Variants in TYK2 observed in about 807,000 individuals in gnomAD.
The protein encoded by TYK2 is non-receptor tyrosine-protein kinase TYK2.
TYK2 carries 65 observed loss-of-function variants against 130.9 expected under a neutral mutation model. The observed-to-expected ratio is 0.50, with a 90% CI of 0.41 to 0.61. TYK2 has a LOEUF of 0.61. TYK2 is among the 20% of genes least tolerant of loss of function. The pLI, the probability that TYK2 is intolerant of heterozygous loss-of-function variation, is 0.00. For synonymous variants in TYK2, 647 were observed against 658.9 expected (o/e 0.98, Z 0.28); for missense variants, 1,378 against 1,610.7 (o/e 0.86, Z 2.47).
At position 10,361,594 on chromosome 19, in the gene TYK2, A is replaced by G; in HGVS notation, c.1964T>C (p.Phe655Ser). The G allele has an allele frequency of 6.5e-7, 1 of 1,549,372 alleles. No individual in the cohort carries two copies. Among genetic ancestry groups the G allele is most frequent in the Non-Finnish European group, 8.7e-7 (1 of 1,147,600 alleles). Residue 655 changes from phenylalanine to serine, a missense_variant, in exon 14 of 25, where the codon TTC becomes TCC. Physicochemically the swap from Phe to Ser is radical, Grantham distance 155. Transcript: ENST00000525621. This position sits in a 1 kb window ranked among gnomAD's most constrained non-coding sequence, Gnocchi z 4.0. ...GCTCATGAGGCTGGCTGTCTCGTAG[A>G]AGGCCTGTGGGGACCGGGCAGGTCA... ...DPSHHDIALA[F>S]YETASLMSQV...
rs1384504071 is a variant in TYK2 at position 10,366,560 on chromosome 19, A to G, written c.486T>C (p.Asn162=). ...LFEQGKHEFV[N]DVASLWELST... ...ACAGCTCCCACAGTGATGCCACGTCATTCACAAACTCATGCTTGCCCTGGG... is the reference window on the plus strand; with the variant it reads ...ACAGCTCCCACAGTGATGCCACGTCGTTCACAAACTCATGCTTGCCCTGGG... Residue 162 remains asparagine, a synonymous_variant, in exon 6 of 25, where the codon AAT becomes AAC. Transcript: ENST00000525621. 6 of 1,613,944 alleles carry G rather than the reference A, an allele frequency of 3.7e-6. No individual in the cohort carries two copies. The Admixed American group carries it at 5.0e-5, about 13-fold the overall frequency.
chr19:10,359,130 C>T, intron 15 of TYK2, 45 bp downstream of exon 15: 1 of 1,595,594 alleles, frequency 6.3e-7, no homozygotes, highest in Non-Finnish European at 8.5e-7. Context: ...TCCTGGGCTC[C>T]TGGCCCTCCC....
At position 10,378,352 on chromosome 19, in the gene TYK2, C is replaced by T. The variant is rs755381338; in HGVS notation, c.55G>A (p.Ala19Thr). Residue 19 changes from alanine (A) to threonine (T), a missense_variant, in exon 3 of 25, where the codon GCC becomes ACC. Ala to Thr is a moderately conservative substitution (Grantham distance 58). Coordinates refer to ENST00000525621, the MANE Select transcript of TYK2 (RefSeq NM_003331.5). ...CCTCCCATGGCAGCCATGGGCTGGG[C>T]TCCATCCCCAACGGGCTTACTGCCC... ...ARGSKPVGDG[A>T]QPMAAMGGLK... The T allele has an allele frequency of 7.4e-6, 12 of 1,612,472 alleles. No individual in the cohort carries two copies. The highest frequency in any genetic ancestry group is 1.0e-5 in the Non-Finnish European group (12 of 1,179,840).
chr19:10,365,212 C>G (rs2041604298), intron 7 of TYK2, among the ~76,000 whole-genome samples, 164 bp from the exon 8 acceptor site: 1 of 152,216 alleles, frequency 6.6e-6, no homozygotes, highest in Admixed American at 6.5e-5. Context: ...ACCCCAAAAT[C>G]ATACACATGC....
chr19:10,352,687 C>A (rs561306710), intron 22 of TYK2, 136 bp from the exon 23 acceptor site: 1 of 717,476 alleles, frequency 1.4e-6, no homozygotes, highest in South Asian at 1.9e-5. Context: ...GCAGCCTGAG[C>A]GGGGTGATAT....
Position 10,352,954 on chromosome 19 carries a change from G to A in TYK2, c.3172C>T (p.Arg1058Cys). 6.2e-7 allele frequency: 1 copy of A among 1,607,848 alleles called. No homozygotes were observed. Among genetic ancestry groups the A allele is most frequent in the Non-Finnish European group, 8.5e-7 (1 of 1,177,210 alleles). Residue 1058 changes from arginine to cysteine, a missense_variant, in exon 22 of 25, where the codon CGC becomes TGC. Physicochemically the swap from Arg to Cys is radical, Grantham distance 180. Coordinates refer to ENST00000525621, the MANE Select transcript of TYK2 (RefSeq NM_003331.5). ...VPEGHEYYRV[R>C]EDGDSPVFWY... ...AACACGGGGCTGTCCCCATCCTCGCGCACGCGGTAGTACTCGTGGCCTTCG... is the reference window on the plus strand; with the variant it reads ...AACACGGGGCTGTCCCCATCCTCGCACACGCGGTAGTACTCGTGGCCTTCG...
At chr19:10,357,225 C>CA in intron 17 of TYK2, 1 of 478,214 alleles carries the variant, frequency 2.1e-6, no homozygotes, top group Non-Finnish European at 3.8e-6. Context: ...CCCATCTCTA[C>CA]AAAAAATACA....
In TYK2 at chr19:10,353,120, T is replaced by G; in HGVS notation, c.3028-22A>C. The G allele has an allele frequency of 6.8e-7, 1 of 1,477,518 alleles. No homozygotes were observed. Among genetic ancestry groups the G allele is most frequent in the South Asian group, 1.4e-5 (1 of 73,546 alleles). 91.5% of individuals were successfully genotyped at this position (1,477,518 alleles called of 1,614,324 possible). On this transcript the variant is annotated intron_variant, in intron 21 of 24. Transcript: ENST00000525621. The surrounding 1 kb of genome is among the most constrained non-coding windows in gnomAD (Gnocchi z 6.9). The stretch of plus-strand genomic sequence containing the variant: ...TGCCCTGGGGACGGGGCAGGGCTCG[T>G]GAGTTTCAGTGGGGCGGGGTTCGGC...
At chr19:10,365,193 TG>T in intron 7 of TYK2, 145 bp from the exon 8 acceptor site, 1 of 974,414 alleles carries the variant, frequency 1.0e-6, no homozygotes, top group Non-Finnish European at 1.5e-6. Flanking sequence ...ACAGGTGGGA[TG>T]GGGACCCACC....
Position 10,365,857 on chromosome 19 carries a change from C to T in TYK2, c.671G>A (p.Arg224Gln), listed in dbSNP as rs768516447. The change falls in exon 7 of 25, where the codon CGG (arginine) becomes CAG (glutamine). Residue 224 changes from arginine (R) to glutamine (Q), a missense_variant. Physicochemically the swap from Arg to Gln is conservative, Grantham distance 43 (BLOSUM62 1). Transcript: ENST00000525621. ...CIPRSFRRHIRQHSALTRLRL... is the reference protein window; with the variant it reads ...CIPRSFRRHIQQHSALTRLRL... ...CAGCCGGGTCAGGGCGCTGTGCTGC[C>T]GGATATGCCGGCGGAAGGAGCGCGG... is the stretch of plus-strand genomic sequence containing the variant. 7.4e-6 allele frequency: 12 copies of T among 1,611,970 alleles called. No homozygotes were observed. The highest frequency in any genetic ancestry group is 2.7e-5 in the African/African-American group (2 of 74,924).
intron 3 of TYK2, among the ~76,000 whole-genome samples, chr19:10,377,909 GAT>G (rs2042222224): frequency 1.2e-5 from 1 of 83,334 alleles, no homozygotes; most frequent in Non-Finnish European, 2.4e-5. Flanking sequence ...TGGGTGGGTG[GAT>G]GAATGGGTGG....
At chr19:10,365,192 A>G in intron 7 of TYK2, 144 bp from the exon 8 acceptor site, 1 of 971,878 alleles carries the variant, frequency 1.0e-6, no homozygotes, top group Non-Finnish European at 1.5e-6. Flanking sequence ...CACAGGTGGG[A>G]TGGGGACCCA....
chr19:10,361,260 A>G lies in TYK2; in HGVS notation c.2047+251T>C. 1 of 603,124 alleles carries G rather than the reference A, an allele frequency of 1.7e-6. No homozygotes were observed. Among genetic ancestry groups the G allele is most frequent in the Non-Finnish European group, 3.0e-6 (1 of 331,604 alleles). 37.4% of individuals were successfully genotyped at this position (603,124 alleles called of 1,614,324 possible). A position where few individuals can be genotyped will look rare whatever the true frequency, so the allele number is the denominator to read the frequency against. On this transcript the variant is annotated intron_variant, in intron 14 of 24. Transcript: ENST00000525621. This position sits in a 1 kb window ranked among gnomAD's most constrained non-coding sequence, Gnocchi z 4.0. ...GATGGAAGTGGGGATGTAGTTGGGA[A>G]TCAGGGTGGGGGTTGAGACTGAGGG...
At position 10,362,723 on chromosome 19, in the gene TYK2, A is replaced by G. The variant is rs535505855; in HGVS notation, c.1368-66T>C. On this transcript the variant is annotated intron_variant, in intron 9 of 24. Transcript: ENST00000525621. ...CACTCTGGACCCATACCCGGGAACA[A>G]TGACACTCATTACCTACTTAGAGGG... 3.1e-5 allele frequency: 42 copies of G among 1,357,726 alleles called. No homozygotes were observed. The South Asian group carries it at 5.0e-4, about 16-fold the overall frequency. The allele number at this position is 1,357,726 out of a possible 1,614,324, so 84.1% of individuals were successfully genotyped here.
intron 5 of TYK2, among the ~76,000 whole-genome samples, chr19:10,367,146 G>A (rs1045069609): frequency 6.6e-5 from 10 of 152,182 alleles, no homozygotes; most frequent in South Asian, 2.1e-4. Context: ...CATGCAGTCC[G>A]CAGGCCAGGG....
chr19:10,353,654 G>C lies in TYK2; in HGVS notation c.2909-8C>G. On this transcript the variant is annotated splice_region_variant and splice_polypyrimidine_tract_variant and intron_variant, in intron 20 of 24. Coordinates refer to ENST00000525621, the MANE Select transcript of TYK2 (RefSeq NM_003331.5). This position sits in a 1 kb window ranked among gnomAD's most constrained non-coding sequence, Gnocchi z 6.9. ...GCTGCAGCGACTTCTCGCCTGCCGC[G>C]GAGAGGGGCGGCCCCGGTGGGGGAC... 3.4e-6 allele frequency: 5 copies of C among 1,469,354 alleles called. No homozygotes were observed. The highest frequency in any genetic ancestry group is 4.5e-6 in the Non-Finnish European group (5 of 1,109,550). 91.0% of individuals were successfully genotyped at this position (1,469,354 alleles called of 1,614,324 possible). A position where few individuals can be genotyped will look rare whatever the true frequency, so the allele number is the denominator to read the frequency against.
intron 14 of TYK2, among the ~76,000 whole-genome samples, chr19:10,360,653 G>A (rs1479917479): frequency 6.6e-6 from 1 of 151,464 alleles, no homozygotes; most frequent in Non-Finnish European, 1.5e-5. Flanking sequence ...GTCGGCCAGG[G>A]TCCAGGGGAA....
chr19:10,369,844 C>G (rs949732559), intron 3 of TYK2: 13 of 412,478 alleles, frequency 3.2e-5, no homozygotes, highest in African/African-American at 1.7e-4. Flanking sequence ...GAGATCAAGA[C>G]CATCTTGGCT....
chr19:10,365,970 T>C (rs1458411789), intron 6 of TYK2, 72 bp from the exon 7 acceptor site: 5 of 1,469,104 alleles, frequency 3.4e-6, no homozygotes, highest in Non-Finnish European at 4.6e-6. Flanking sequence ...ACAGGGCAAG[T>C]GGCTTAACCT....
Sources: gnomAD v4.1 joint callset for allele counts (sites outside exome capture counted in the v4.1 genomes callset) on GRCh38, gnomAD v4.1.1 for gene constraint, Gnocchi (gnomAD v3.1) non-coding constraint, MANE v1.5 for transcripts, NCBI Gene and HGNC (gene_info 2026-07-23, HGNC 2026-07-21) for gene names.